FGFR2: variants seen among roughly 807,000 people sequenced by gnomAD.
FGFR2 encodes BEK fibroblast growth factor receptor.
A neutral mutation model predicts 95.9 loss-of-function variants in FGFR2; 19 were observed. That is an observed-to-expected ratio of 0.20 (90% confidence interval 0.14 to 0.29). The LOEUF (loss-of-function observed/expected upper bound fraction) is 0.29, where lower values mean the gene tolerates loss of function less well. Ranked by LOEUF, FGFR2 falls within the 10% of genes least tolerant of loss-of-function variation. The probability of loss-of-function intolerance (pLI) is 1.00; values close to 1 mark genes in which losing one functional copy is unlikely to be tolerated. For missense variants in FGFR2, 707 were observed against 1,056.9 expected (o/e 0.67, Z 4.59); for synonymous variants, 392 against 393.3 (o/e 1.00, Z 0.04).
At chr10:121,528,670 T>C (rs1851700964) in intron 6 of FGFR2, among the ~76,000 whole-genome samples, 3 of 152,358 alleles carry the variant, frequency 2.0e-5, no homozygotes, top group African/African-American at 7.2e-5. Flanking sequence ...TAAATCCCAT[T>C]TGTTTTCTTG....
At chr10:121,548,480 C>A (rs1854902692) in intron 5 of FGFR2, among the ~76,000 whole-genome samples, 1 of 151,890 alleles carries the variant, frequency 6.6e-6, no homozygotes. Flanking sequence ...ATGTTGGAAT[C>A]AATAATTAAC....
In FGFR2 at chr10:121,518,640, A is replaced by G. The variant is rs1230436506; in HGVS notation, c.940-1177T>C. ...CCAAGTCTTTTCAGCTTCTATATCC[A>G]GCTTTCTTTTTAAAAAAAGACAAAA... On this transcript the variant is annotated intron_variant, in intron 7 of 17. Transcript: ENST00000358487. The surrounding 1 kb of genome is among the most constrained non-coding windows in gnomAD (Gnocchi z 4.0). 5 of 1,613,228 alleles carry G rather than the reference A, an allele frequency of 3.1e-6. No individual in the cohort carries two copies. Among genetic ancestry groups the G allele is most frequent in the Non-Finnish European group, 4.2e-6 (5 of 1,179,600 alleles).
In FGFR2 at chr10:121,538,611, C is replaced by T. The variant is rs199890227; in HGVS notation, c.729G>A (p.Thr243=). Residue 243 remains threonine (T), a synonymous_variant, in exon 6 of 18, where the codon ACG becomes ACA. Coordinates refer to ENST00000358487, the MANE Select transcript of FGFR2 (RefSeq NM_000141.5). The stretch of plus-strand genomic sequence containing the variant: ...ACTCACCCACAACATCCAGGTGGTA[C>T]GTGTGATTGATGGACCCGTATTCAT... ...VENEYGSINH[T]YHLDVVERSP... 9 of 1,614,136 alleles carry T rather than the reference C, an allele frequency of 5.6e-6. No homozygotes were observed. In the African/African-American group the frequency reaches 6.7e-5, roughly 12 times the overall value.
chr10:121,502,454 TC>T (rs1260105216), intron 10 of FGFR2, among the ~76,000 whole-genome samples: 2 of 152,100 alleles, frequency 1.3e-5, no homozygotes, highest in Non-Finnish European at 2.9e-5. Context: ...CCAAATAATA[TC>T]CATACAATTA....
At chr10:121,501,639 A>T (rs1366589318) in intron 10 of FGFR2, among the ~76,000 whole-genome samples, 7 of 152,194 alleles carry the variant, frequency 4.6e-5, no homozygotes, top group Non-Finnish European at 8.8e-5. Flanking sequence ...AACCAACAAA[A>T]CGCAAAAGTC....
chr10:121,563,800 C>T (rs1857290330), intron 4 of FGFR2, among the ~76,000 whole-genome samples: 2 of 152,214 alleles, frequency 1.3e-5, no homozygotes, highest in African/African-American at 2.4e-5. Flanking sequence ...TGTTCTTCCT[C>T]GCAAGTAAAT....
intron 1 of FGFR2, among the ~76,000 whole-genome samples, chr10:121,596,231 G>C (rs549174169): frequency 6.6e-6 from 1 of 152,138 alleles, no homozygotes; most frequent in African/African-American, 2.4e-5. Flanking sequence ...GGCTCTTCTC[G>C]GCCGCCCGCC....
Position 121,515,126 on chromosome 10 carries a change from T to C in FGFR2, c.1278A>G (p.Arg426=), listed in dbSNP as rs2134219875. 6.2e-7 allele frequency: 1 copy of C among 1,614,082 alleles called. No individual in the cohort carries two copies. The highest frequency in any genetic ancestry group is 2.2e-5 in the East Asian group (1 of 44,878). Residue 426 remains arginine (R), a synonymous_variant, in exon 9 of 18, where the codon AGA becomes AGG. Transcript: ENST00000358487. ...CTCTTTATCTACTTTCTGTTACCTG[T>C]CTCCGCAGGGGGATACGTTTGGTCA... ...HKLTKRIPLR[R]QVTVSAESSS...
At chr10:121,575,625 C>T (rs923046717) in intron 2 of FGFR2, among the ~76,000 whole-genome samples, 23 of 151,402 alleles carry the variant, frequency 1.5e-4, no homozygotes, top group African/African-American at 4.6e-4. Flanking sequence ...CAGGCCGAGG[C>T]GGGTGGATCA....
intron 13 of FGFR2, among the ~76,000 whole-genome samples, chr10:121,488,799 T>C (rs1250337353): frequency 6.6e-6 from 1 of 152,172 alleles, no homozygotes; most frequent in Non-Finnish European, 1.5e-5. Context: ...TCCTAAAATC[T>C]TTTCTCTCAA....
chr10:121,543,340 T>C lies in FGFR2; in HGVS notation c.625-4625A>G, dbSNP rs149684768. 4.9e-3 allele frequency among the ~76,000 whole-genome samples: 748 copies of C among 152,206 alleles called. 6 individuals are homozygous for C. The highest frequency in any genetic ancestry group is 7.0e-3 in the Non-Finnish European group (479 of 68,008). On this transcript the variant is annotated intron_variant, in intron 5 of 17. Transcript: ENST00000358487. ...GCCTGGCCAACATGGTGAAACTCTG[T>C]CTCTACTAAAAATATAAAAATTAGT...
chr10:121,578,460 C>T (rs1860287449), intron 2 of FGFR2, among the ~76,000 whole-genome samples: 1 of 152,240 alleles, frequency 6.6e-6, no homozygotes, highest in African/African-American at 2.4e-5. Context: ...GCCTCTAGGA[C>T]ATGCACAGCC....
At position 121,531,525 on chromosome 10, in the gene FGFR2, G is replaced by A. The variant is rs796145793; in HGVS notation, c.748+7067C>T. Among the ~76,000 whole-genome samples the A allele has an allele frequency of 4.8e-4, 73 of 152,260 alleles. No individual in the cohort carries two copies. Among genetic ancestry groups the A allele is most frequent in the African/African-American group, 8.4e-4 (35 of 41,540 alleles). On this transcript the variant is annotated intron_variant, in intron 6 of 17. Coordinates refer to ENST00000358487, the MANE Select transcript of FGFR2 (RefSeq NM_000141.5). This position sits in a 1 kb window ranked among gnomAD's most constrained non-coding sequence, Gnocchi z 4.5. ...TCATCAGGATGGGCTCAGGGTGCAC[G>A]GCTCTGTCTGGAGATGCAAGAGGAA...
In FGFR2 at chr10:121,565,722, A is replaced by G. The variant is rs759067170; in HGVS notation, c.110-18T>C. On this transcript the variant is annotated intron_variant, in intron 2 of 17. Transcript: ENST00000358487. ...TGGTGGCTCTGCAGAAAGGTGGGAG[A>G]GAGAAGACGGAGACAGATGGGAAGG... 6.2e-7 allele frequency: 1 copy of G among 1,614,112 alleles called. No individual in the cohort carries two copies. Among genetic ancestry groups the G allele is most frequent in the South Asian group, 1.1e-5 (1 of 91,066 alleles).
chr10:121,585,166 A>G (rs1345126549), intron 2 of FGFR2, among the ~76,000 whole-genome samples: 2 of 152,224 alleles, frequency 1.3e-5, no homozygotes, highest in Non-Finnish European at 2.9e-5. Flanking sequence ...GAGGGGAAAA[A>G]AAATTTCAAC....
At chr10:121,550,059 A>T (rs1855137353) in intron 5 of FGFR2, among the ~76,000 whole-genome samples, 1 of 152,214 alleles carries the variant, frequency 6.6e-6, no homozygotes, top group Non-Finnish European at 1.5e-5. Flanking sequence ...ATGCTCAATT[A>T]TTACAGTTCT....
At chr10:121,505,634 G>A (rs375968203) in intron 9 of FGFR2, among the ~76,000 whole-genome samples, 5 of 152,278 alleles carry the variant, frequency 3.3e-5, no homozygotes, top group Non-Finnish European at 7.3e-5. Flanking sequence ...GCTCCCCACT[G>A]AGGTCACAGA....
intron 2 of FGFR2, among the ~76,000 whole-genome samples, chr10:121,566,796 C>A (rs1196178027): frequency 6.6e-6 from 1 of 152,002 alleles, no homozygotes; most frequent in Non-Finnish European, 1.5e-5. Context: ...TGCTTCCCGC[C>A]ACCGACCCCA....
At position 121,520,085 on chromosome 10, in the gene FGFR2, C is replaced by T. The variant is rs776587763; in HGVS notation, c.833G>A (p.Cys278Tyr). The T allele has an allele frequency of 6.2e-7, 1 of 1,614,242 alleles. No individual in the cohort carries two copies. Among genetic ancestry groups the T allele is most frequent in the Non-Finnish European group, 8.5e-7 (1 of 1,180,038 alleles). ...TVVGGDVEFV[C>Y]KVYSDAQPHI... Reference sequence around the variant, plus strand: ...GGGCTGGGCATCACTGTAAACCTTGCAGACAAACTCTACGTCTCCTCCGAC... The same window carrying T: ...GGGCTGGGCATCACTGTAAACCTTGTAGACAAACTCTACGTCTCCTCCGAC... The change falls in exon 7 of 18, where the codon TGC (cysteine) becomes TAC (tyrosine). Residue 278 changes from cysteine to tyrosine, a missense_variant. Around this residue, in one of 7 missense-constraint regions of FGFR2, gnomAD observed 139 missense variants for 278.1 expected, o/e 0.50. Transcript: ENST00000358487.
Sources: gnomAD v4.1 joint callset for allele counts (sites outside exome capture counted in the v4.1 genomes callset) on GRCh38, gnomAD v4.1.1 for gene constraint, gnomAD v4.1.1 regional missense constraint, Gnocchi (gnomAD v3.1) non-coding constraint, MANE v1.5 for transcripts, NCBI Gene and HGNC (gene_info 2026-07-23, HGNC 2026-07-21) for gene names.